The following TTYH2 variants were observed in gnomAD, a reference collection of about 807,000 sequenced individuals.
The protein encoded by TTYH2 is protein tweety homolog 2.
A neutral mutation model predicts 68.3 loss-of-function variants in TTYH2; 49 were observed. That is an observed-to-expected ratio of 0.72 (90% confidence interval 0.57 to 0.91). The LOEUF (loss-of-function observed/expected upper bound fraction) is 0.91. Among genes scored for constraint, TTYH2 ranks in the 40% least tolerant of loss-of-function variants. The pLI is 0.00. For synonymous variants in TTYH2, 272 were observed against 300.8 expected, an observed-to-expected ratio of 0.90 and a Z score of 0.99; for missense variants, 631 against 700.4, an observed-to-expected ratio of 0.90 and a Z score of 1.12.
At chr17:74,248,600 G>T in intron 6 of TTYH2, 1 of 1,050,302 alleles carries the variant, frequency 9.5e-7, no homozygotes, top group African/African-American at 1.6e-5. Flanking sequence ...AACAGCAGAT[G>T]AGGCCATGGT....
intron 1 of TTYH2, among the ~76,000 whole-genome samples, chr17:74,219,681 A>G (rs1438531134): frequency 6.6e-6 from 1 of 152,110 alleles, no homozygotes; most frequent in Non-Finnish European, 1.5e-5. Context: ...CTGCTGTTCC[A>G]TGTCTGGCTT....
chr17:74,251,161 G>T (rs2050620900), intron 10 of TTYH2, among the ~76,000 whole-genome samples: 1 of 151,546 alleles, frequency 6.6e-6, no homozygotes, highest in South Asian at 2.1e-4. Context: ...ATGTATGTGT[G>T]TGGTATGTGC....
chr17:74,227,422 A>G (rs147484021), intron 2 of TTYH2, among the ~76,000 whole-genome samples: 25 of 152,344 alleles, frequency 1.6e-4, no homozygotes, highest in African/African-American at 6.0e-4. Context: ...GAGAGCTAGA[A>G]AAGGATGAAC....
rs963337786 is a variant in TTYH2 at position 74,214,831 on chromosome 17, G to A, written c.129+1115G>A. Among the ~76,000 whole-genome samples the A allele has an allele frequency of 1.4e-4, 22 of 152,210 alleles. No homozygotes were observed. The highest frequency in any genetic ancestry group is 5.1e-4 in the African/African-American group (21 of 41,456). On this transcript the variant is annotated intron_variant, in intron 1 of 13. Transcript: ENST00000269346. The surrounding 1 kb of genome is among the most constrained non-coding windows in gnomAD (Gnocchi z 4.6). ...AGTTCTCCAGATATGGGACAGATCA[G>A]GGCAAAGCAGGGCCTCTTGGAGGGA...
Position 74,250,327 on chromosome 17 carries a change from C to T in TTYH2, c.1086C>T (p.Thr362=), listed in dbSNP as rs7224615. ...NSSESSLHQL[T]AMVDCRGLHK... is the part of the protein sequence containing the mutation. ...CAGAGTCCAGCCTTCACCAGCTGAC[C>T]GCCATGGTGGACTGCCGAGGGCTGC... The change falls in exon 10 of 14, where the codon ACC becomes ACT. Residue 362 remains threonine, a synonymous_variant. Coordinates refer to ENST00000269346, the MANE Select transcript of TTYH2 (RefSeq NM_032646.6). 0.4 allele frequency: 637,865 copies of T among 1,612,362 alleles called. 129,733 individuals carry two copies. The highest frequency in any genetic ancestry group is 0.53 in the African/African-American group (40,000 of 74,934).
chr17:74,253,872 A>G (rs769049921), intron 13 of TTYH2, 39 bp downstream of exon 13: 1 of 1,604,160 alleles, frequency 6.2e-7, no homozygotes, highest in Non-Finnish European at 8.5e-7. Context: ...GGGGTAATAC[A>G]TAAAGACAAA....
In TTYH2 at chr17:74,260,464, T is replaced by G; in HGVS notation, c.*255T>G. On this transcript the variant is annotated 3_prime_UTR_variant, in exon 14 of 14. Coordinates refer to ENST00000269346, the MANE Select transcript of TTYH2 (RefSeq NM_032646.6). ...GTGCTTGGCTGCCTCAGAGGTACCA[T>G]CCCTGAGCTGGCTGCCTGGCCCTGC... 1 of 517,684 alleles carries G rather than the reference T, an allele frequency of 1.9e-6. No individual in the cohort carries two copies. Among genetic ancestry groups the G allele is most frequent in the Non-Finnish European group, 3.5e-6 (1 of 284,966 alleles). The allele number at this position is 517,684 out of a possible 1,614,324, so 32.1% of individuals were successfully genotyped here. A position where few individuals can be genotyped will look rare whatever the true frequency, so the allele number is the denominator to read the frequency against.
Position 74,222,189 on chromosome 17 carries a change from T to C in TTYH2, c.130-296T>C, listed in dbSNP as rs993435183. On this transcript the variant is annotated intron_variant, in intron 1 of 13. Transcript: ENST00000269346. The surrounding 1 kb of genome is among the most constrained non-coding windows in gnomAD (Gnocchi z 5.2). ...CTCTTCATCAGCAGGGCCTGGTCCG[T>C]ATCTTCATCCAGGGTCTGAACCAGA... 2.0e-5 allele frequency among the ~76,000 whole-genome samples: 3 copies of C among 152,192 alleles called. No homozygotes were observed. Among genetic ancestry groups the C allele is most frequent in the Non-Finnish European group, 4.4e-5 (3 of 68,018 alleles).
rs565431580 is a variant in TTYH2 at position 74,213,674 on chromosome 17, C to T, written c.87C>T (p.Pro29=). The T allele has an allele frequency of 1.2e-6, 2 of 1,612,778 alleles. 1 individual carries two copies. The highest frequency in any genetic ancestry group is 3.3e-5 in the Admixed American group (2 of 59,974). ...CGCACGTCGGCCTGCGCCTGCAGCC[C>T]GTGAACAGCACCTTCAGCCCCGGCG... The part of the protein sequence containing the change: ...SVPHVGLRLQ[P]VNSTFSPGDE... The change falls in exon 1 of 14, where the codon CCC becomes CCT. Residue 29 remains proline (P), a synonymous_variant. Coordinates refer to ENST00000269346, the MANE Select transcript of TTYH2 (RefSeq NM_032646.6). The surrounding 1 kb of genome is among the most constrained non-coding windows in gnomAD (Gnocchi z 6.1).
chr17:74,253,080 G>A lies in TTYH2; in HGVS notation c.1260-1G>A, dbSNP rs1567821505. ...CGGCCATCTTCTACCCATTGTTCTAGAAACAGAGACTACGATGACATTGAT... is the reference window on the plus strand; with the variant it reads ...CGGCCATCTTCTACCCATTGTTCTAAAAACAGAGACTACGATGACATTGAT... On this transcript the variant is annotated splice_acceptor_variant, in intron 11 of 13. Transcript: ENST00000269346. LOFTEE classifies it high-confidence loss of function. 6.2e-7 allele frequency: 1 copy of A among 1,613,640 alleles called. No homozygotes were observed. The highest frequency in any genetic ancestry group is 1.3e-5 in the African/African-American group (1 of 75,032).
chr17:74,245,290 T>G (rs2050545540), intron 6 of TTYH2, among the ~76,000 whole-genome samples: 1 of 152,242 alleles, frequency 6.6e-6, no homozygotes. Flanking sequence ...TTTGAAAGCA[T>G]GCAGGAGCTG....
intron 13 of TTYH2, among the ~76,000 whole-genome samples, chr17:74,257,180 G>C (rs931487571): frequency 6.6e-6 from 1 of 152,170 alleles, no homozygotes; most frequent in African/African-American, 2.4e-5. Flanking sequence ...AAAGATCCAG[G>C]CCACTCATCC....
rs573837448 is a variant in TTYH2 at position 74,228,698 on chromosome 17, TG to T, written c.303-2184del. Among the ~76,000 whole-genome samples, 288 of 130,942 alleles carry T rather than the reference TG, an allele frequency of 2.2e-3. 1 individual carries two copies. The highest frequency in any genetic ancestry group is 7.8e-3 in the African/African-American group (272 of 34,996). 85.9% of individuals were successfully genotyped at this position (130,942 alleles called of 152,430 possible). On this transcript the variant is annotated intron_variant, in intron 2 of 13. Transcript: ENST00000269346. Reference sequence around the variant, plus strand: ...GGCTGTTTGTAGACCACAAGATCAGTGGGGGGCGGGGGGAACCAGGGCGGGT... The same window carrying T: ...GGCTGTTTGTAGACCACAAGATCAGTGGGGGCGGGGGGAACCAGGGCGGGT...
At chr17:74,257,612 G>A (rs146158762) in intron 13 of TTYH2, among the ~76,000 whole-genome samples, 16 of 152,288 alleles carry the variant, frequency 1.1e-4, no homozygotes, top group African/African-American at 3.6e-4. Flanking sequence ...CCTGGTGATC[G>A]GGATATACAG....
Position 74,213,601 on chromosome 17 carries a change from G to A in TTYH2, c.14G>A (p.Arg5His), listed in dbSNP as rs769413408. Residue 5 changes from arginine (R) to histidine (H), a missense_variant, in exon 1 of 14, where the codon CGC becomes CAC. Arg to His is a conservative substitution (Grantham distance 29). Coordinates refer to ENST00000269346, the MANE Select transcript of TTYH2 (RefSeq NM_032646.6). The surrounding 1 kb of genome is among the most constrained non-coding windows in gnomAD (Gnocchi z 6.1). ...TCGGGCCGAGCCATGCAGGCGGCGC[G>A]CGTGGACTACATCGCTCCCTGGTGG... MQAARVDYIAPWWVV... is the reference protein window; with the variant it reads MQAAHVDYIAPWWVV... The A allele has an allele frequency of 6.2e-7, 1 of 1,610,878 alleles. No homozygotes were observed. The highest frequency in any genetic ancestry group is 1.7e-5 in the Admixed American group (1 of 59,868).
Position 74,232,031 on chromosome 17 carries a change from T to G in TTYH2, c.414+1032T>G, listed in dbSNP as rs1425103201. The stretch of plus-strand genomic sequence containing the variant: ...CCTTTTCTACCCCAGCTGCCTGGAA[T>G]TGGAGTTTTCCCACAGTTTGACCTT... On this transcript the variant is annotated intron_variant, in intron 3 of 13. Transcript: ENST00000269346. The surrounding 1 kb of genome is among the most constrained non-coding windows in gnomAD (Gnocchi z 5.1). Among the ~76,000 whole-genome samples, 1 of 152,178 alleles carries G rather than the reference T, an allele frequency of 6.6e-6. No homozygotes were observed. Among genetic ancestry groups the G allele is most frequent in the Non-Finnish European group, 1.5e-5 (1 of 68,028 alleles).
intron 13 of TTYH2, among the ~76,000 whole-genome samples, chr17:74,254,380 C>T (rs923195040): frequency 1.3e-5 from 2 of 152,156 alleles, no homozygotes; most frequent in African/African-American, 4.8e-5. Context: ...GATGGCCAGG[C>T]TGGTCTCAAA....
chr17:74,236,194 G>A (rs1377070328), intron 3 of TTYH2, among the ~76,000 whole-genome samples: 3 of 152,138 alleles, frequency 2.0e-5, no homozygotes, highest in Non-Finnish European at 2.9e-5. Flanking sequence ...AGGAGAAGGC[G>A]CCGGTTTCCT....
chr17:74,250,097 C>T, intron 9 of TTYH2, 69 bp downstream of exon 9: 1 of 1,568,802 alleles, frequency 6.4e-7, no homozygotes, highest in Non-Finnish European at 8.8e-7. Flanking sequence ...TGCCCCGGCC[C>T]CAGGGCCAGG....
Sources: gnomAD v4.1 joint callset for allele counts (sites outside exome capture counted in the v4.1 genomes callset) on GRCh38, gnomAD v4.1.1 for gene constraint, Gnocchi (gnomAD v3.1) non-coding constraint, MANE v1.5 for transcripts, NCBI Gene and HGNC (gene_info 2026-07-23, HGNC 2026-07-21) for gene names.